ZBTB44: variants seen among roughly 807,000 people sequenced by gnomAD.
The protein encoded by ZBTB44 is zinc finger and BTB domain-containing protein 44.
ZBTB44 carries 15 observed loss-of-function variants against 54.0 expected under a neutral mutation model. The ratio of observed to expected loss-of-function variants is 0.28; its 90% confidence interval spans 0.19 to 0.43. The LOEUF is 0.43. Ranked by LOEUF, ZBTB44 falls within the 20% of genes least tolerant of loss-of-function variation. The pLI is 1.00. For synonymous variants in ZBTB44, 230 were observed against 250.1 expected (o/e 0.92, Z 0.76); for missense variants, 487 against 707.1 (o/e 0.69, Z 3.53).
intron 1 of ZBTB44, among the ~76,000 whole-genome samples, chr11:130,267,308 G>C (rs1426121527): frequency 6.6e-6 from 1 of 152,120 alleles, no homozygotes. Context: ...TGGTTCATGA[G>C]GTTGAAGGAA....
chr11:130,233,348 G>A lies in ZBTB44; in HGVS notation c.*8C>T, dbSNP rs1324325932. 2 of 1,532,238 alleles carry A rather than the reference G, an allele frequency of 1.3e-6. No individual in the cohort carries two copies. The highest frequency in any genetic ancestry group is 2.4e-5 in the East Asian group (1 of 40,894). The allele number at this position is 1,532,238 out of a possible 1,614,324, so 94.9% of individuals were successfully genotyped here. A position where few individuals can be genotyped will look rare whatever the true frequency, so the allele number is the denominator to read the frequency against. On this transcript the variant is annotated 3_prime_UTR_variant, in exon 7 of 8. Coordinates refer to ENST00000357899, the MANE Select transcript of ZBTB44 (RefSeq NM_001301098.2). ...TGGTCATTTCATCCACAGCTTGACT[G>A]TTGTCAATCATGGTTCCTTGCCTTT...
At chr11:130,295,758 C>T in intron 1 of ZBTB44, 11 of 1,512,562 alleles carry the variant, frequency 7.3e-6, no homozygotes, top group Non-Finnish European at 1.0e-5. Flanking sequence ...TTTTCTCAAA[C>T]CTGCAGTAGA....
At chr11:130,313,235 T>A (rs549411294) in intron 1 of ZBTB44, among the ~76,000 whole-genome samples, 3 of 152,356 alleles carry the variant, frequency 2.0e-5, no homozygotes, top group African/African-American at 4.8e-5. Context: ...TCACTAAGTT[T>A]GTCACTTCTA....
intron 1 of ZBTB44, among the ~76,000 whole-genome samples, chr11:130,311,235 C>T (rs758520762): frequency 1.1e-4 from 17 of 151,992 alleles, no homozygotes; most frequent in Admixed American, 3.3e-4. Flanking sequence ...GAGACAGGGT[C>T]TCACTCTGTC....
At chr11:130,271,118 G>A (rs1939636062) in intron 1 of ZBTB44, among the ~76,000 whole-genome samples, 1 of 152,098 alleles carries the variant, frequency 6.6e-6, no homozygotes, top group Non-Finnish European at 1.5e-5. Context: ...TGAAATATAT[G>A]AATGAATAAA....
rs929950835 is a variant in ZBTB44 at position 130,229,104 on chromosome 11, CAA to C, written c.*2658_*2659del. The C allele has an allele frequency of 6.6e-6, 1 of 151,994 alleles. No homozygotes were observed. The highest frequency in any genetic ancestry group is 6.5e-5 in the Admixed American group (1 of 15,272). 9.4% of individuals were successfully genotyped at this position (151,994 alleles called of 1,614,324 possible). ...TTAAGTAAAAGTAGCACAAACATTT[CAA>C]AGACAATCTCAATTTTTCAGATACT... On this transcript the variant is annotated 3_prime_UTR_variant, in exon 8 of 8. Coordinates refer to ENST00000357899, the MANE Select transcript of ZBTB44 (RefSeq NM_001301098.2).
At chr11:130,301,006 TA>T (rs1274788803) in intron 1 of ZBTB44, among the ~76,000 whole-genome samples, 1 of 152,042 alleles carries the variant, frequency 6.6e-6, no homozygotes, top group Non-Finnish European at 1.5e-5. Flanking sequence ...TTTATTAAAG[TA>T]AAATATAAAC....
chr11:130,313,916 G>T (rs985199530), intron 1 of ZBTB44, among the ~76,000 whole-genome samples: 1 of 131,790 alleles, frequency 7.6e-6, no homozygotes, highest in African/African-American at 2.8e-5. Flanking sequence ...AGGTGTGTGT[G>T]TGTGTGTATG....
Position 130,261,155 on chromosome 11 carries a change from A to G in ZBTB44, c.719T>C (p.Ile240Thr). ...WTFPFGIDRR[I>T]QPEKVKQAEN... ...TGCTTGCTTAACTTTCTCAGGCTGA[A>G]TCCTTCGATCAATTCCAAAAGGAAA... The change falls in exon 2 of 8, where the codon ATT (isoleucine) becomes ACT (threonine). Residue 240 changes from isoleucine to threonine, a missense_variant. Transcript: ENST00000357899. This position sits in a 1 kb window ranked among gnomAD's most constrained non-coding sequence, Gnocchi z 4.8. The G allele has an allele frequency of 6.2e-7, 1 of 1,613,970 alleles. No individual in the cohort carries two copies. Among genetic ancestry groups the G allele is most frequent in the Non-Finnish European group, 8.5e-7 (1 of 1,179,890 alleles).
chr11:130,245,922 C>G (rs1954623409), intron 2 of ZBTB44, among the ~76,000 whole-genome samples: 1 of 152,188 alleles, frequency 6.6e-6, no homozygotes, highest in Non-Finnish European at 1.5e-5. Flanking sequence ...GCAGATGGCC[C>G]TTCTTAAAAC....
At position 130,301,443 on chromosome 11, in the gene ZBTB44, T is replaced by G. The variant is rs535584225; in HGVS notation, c.-57+12932A>C. Among the ~76,000 whole-genome samples the G allele has an allele frequency of 8.5e-5, 13 of 152,100 alleles. No individual in the cohort carries two copies. The East Asian group carries it at 2.5e-3, about 30-fold the overall frequency. Reference sequence around the variant, plus strand: ...CCAAGGCAAGCAGATCACGTGAGCTTAAGAGTTCAAGACCAGCCTGGGCAA... The same window carrying G: ...CCAAGGCAAGCAGATCACGTGAGCTGAAGAGTTCAAGACCAGCCTGGGCAA... On this transcript the variant is annotated intron_variant, in intron 1 of 7. Coordinates refer to ENST00000357899, the MANE Select transcript of ZBTB44 (RefSeq NM_001301098.2).
chr11:130,305,406 G>C (rs560606458), intron 1 of ZBTB44, among the ~76,000 whole-genome samples: 2 of 152,240 alleles, frequency 1.3e-5, no homozygotes, highest in South Asian at 4.1e-4. Context: ...TATAAAAACA[G>C]GCATGTAGAC....
chr11:130,265,724 A>G (rs1256520731), intron 1 of ZBTB44, among the ~76,000 whole-genome samples: 1 of 152,204 alleles, frequency 6.6e-6, no homozygotes, highest in African/African-American at 2.4e-5. Context: ...GATGAAACCA[A>G]CCACAATATT....
In ZBTB44 at chr11:130,234,245, G is replaced by A. The variant is rs1402565263; in HGVS notation, c.1597C>T (p.Gln533Ter). 12 of 1,527,356 alleles carry A rather than the reference G, an allele frequency of 7.9e-6. No individual in the cohort carries two copies. The highest frequency in any genetic ancestry group is 1.1e-5 in the Non-Finnish European group (12 of 1,137,276). 94.6% of individuals were successfully genotyped at this position (1,527,356 alleles called of 1,614,324 possible). A position where few individuals can be genotyped will look rare whatever the true frequency, so the allele number is the denominator to read the frequency against. Reference sequence around the variant, plus strand: ...TGAACAAGGGTCTCTTCTTGTTCCTGGTTTAAGTAGTCCGGTACTAGGAAA... The same window carrying A: ...TGAACAAGGGTCTCTTCTTGTTCCTAGTTTAAGTAGTCCGGTACTAGGAAA... ...SDFLVPDYLN[Q>*]EQEETLVQYD... Residue 533 changes from glutamine (Q) to a stop codon, truncating the protein, a stop_gained, in exon 6 of 8, where the codon CAG becomes TAG. Coordinates refer to ENST00000357899, the MANE Select transcript of ZBTB44 (RefSeq NM_001301098.2). LOFTEE classifies it high-confidence loss of function.
intron 1 of ZBTB44, chr11:130,296,725 T>G: frequency 2.0e-6 from 2 of 982,096 alleles, no homozygotes; most frequent in South Asian, 1.3e-5. Context: ...ATTTCTGACA[T>G]TCAGTCTCAG....
At chr11:130,245,838 C>T (rs1024378736) in intron 2 of ZBTB44, among the ~76,000 whole-genome samples, 4 of 152,164 alleles carry the variant, frequency 2.6e-5, no homozygotes, top group Admixed American at 6.5e-5. Context: ...TGTCTGGGAC[C>T]GATTCTAGTA....
At chr11:130,257,047 C>G (rs577030796) in intron 2 of ZBTB44, among the ~76,000 whole-genome samples, 14 of 152,064 alleles carry the variant, frequency 9.2e-5, no homozygotes, top group African/African-American at 3.1e-4. Flanking sequence ...CCCCAAAACT[C>G]AAGCTGATAA....
intron 5 of ZBTB44, among the ~76,000 whole-genome samples, chr11:130,234,762 T>C (rs1260371385): frequency 1.3e-5 from 2 of 152,150 alleles, no homozygotes; most frequent in African/African-American, 4.8e-5. Flanking sequence ...TACTATAAAG[T>C]TGGGAAATGT....
chr11:130,247,859 G>A (rs1026195028), intron 2 of ZBTB44, among the ~76,000 whole-genome samples: 6 of 152,172 alleles, frequency 3.9e-5, no homozygotes, highest in Admixed American at 2.0e-4. Context: ...GGACTAGAGA[G>A]TTATCTTTTT....
Sources: allele counts gnomAD v4.1 joint callset (sites outside exome capture counted in the v4.1 genomes callset), GRCh38; gene constraint gnomAD v4.1.1; non-coding constraint Gnocchi (gnomAD v3.1); transcripts MANE v1.5; gene names NCBI Gene and HGNC (gene_info 2026-07-23, HGNC 2026-07-21).